RIMBP2: variants seen among roughly 807,000 people sequenced by gnomAD.
RIMBP2 encodes the protein RIMS-binding protein 2.
In RIMBP2, 48 loss-of-function variants were observed where a neutral mutation model predicts 118.6. The observed-to-expected ratio is 0.40, with a 90% CI of 0.32 to 0.51. The LOEUF (loss-of-function observed/expected upper bound fraction) is 0.51. RIMBP2 is among the 20% of genes least tolerant of loss of function. The pLI, the probability that RIMBP2 is intolerant of heterozygous loss-of-function variation, is 0.41. For synonymous variants in RIMBP2, 762 were observed against 742.9 expected (o/e 1.03, Z -0.42); for missense variants, 1,551 against 1,768.3 (o/e 0.88, Z 2.20).
At chr12:130,455,687 A>G (rs1439783754) in intron 7 of RIMBP2, among the ~76,000 whole-genome samples, 1 of 152,214 alleles carries the variant, frequency 6.6e-6, no homozygotes, top group Non-Finnish European at 1.5e-5. Flanking sequence ...ATATTCTGAT[A>G]AGAACTAGGG....
At chr12:130,690,562 C>T (rs1341519269) in intron 1 of RIMBP2, among the ~76,000 whole-genome samples, 1 of 152,218 alleles carries the variant, frequency 6.6e-6, no homozygotes, top group South Asian at 2.1e-4. Context: ...TACTCTGGCC[C>T]ATGCATCCCC....
At chr12:130,563,279 G>A (rs865881856) in intron 2 of RIMBP2, among the ~76,000 whole-genome samples, 1 of 152,120 alleles carries the variant, frequency 6.6e-6, no homozygotes, top group Non-Finnish European at 1.5e-5. Flanking sequence ...GCGTTCTTAC[G>A]CCCTGCCAAG....
At chr12:130,441,408 A>AATCATC (rs1555251157) in intron 11 of RIMBP2, among the ~76,000 whole-genome samples, 1 of 87,134 alleles carries the variant, frequency 1.1e-5, no homozygotes, top group Non-Finnish European at 2.7e-5. Flanking sequence ...CTCAAATAAT[A>AATCATC]ATAATAATAA....
rs1184639831 is a variant in RIMBP2, at chr12:130,670,264, G to A, written c.-351-41808C>T. Among the ~76,000 whole-genome samples the A allele has an allele frequency of 1.3e-5, 2 of 152,106 alleles. No individual in the cohort carries two copies. The highest frequency in any genetic ancestry group is 2.4e-5 in the African/African-American group (1 of 41,432). ...CCCGGCCCCAGGACCTCAGACTTCC[G>A]ATCTCCAGAACTGAAGTTTTAGGAC... On this transcript the variant is annotated intron_variant, in intron 1 of 22. Transcript: ENST00000690449. The surrounding 1 kb of genome is among the most constrained non-coding windows in gnomAD (Gnocchi z 4.9).
Position 130,622,394 on chromosome 12 carries a change from A to G in RIMBP2, c.-217+5928T>C, listed in dbSNP as rs1015532450. Among the ~76,000 whole-genome samples the G allele has an allele frequency of 2.0e-5, 3 of 152,292 alleles. No homozygotes were observed. The highest frequency in any genetic ancestry group is 3.4e-3 in the Middle Eastern group (1 of 292). ...ATATTGAAAAAGGAAACTACATATA[A>G]CACAAAACTGTTGGTTAATTCACTA... On this transcript the variant is annotated intron_variant, in intron 2 of 22. Coordinates refer to ENST00000690449, the MANE Select transcript of RIMBP2 (RefSeq NM_001393629.1). This position sits in a 1 kb window ranked among gnomAD's most constrained non-coding sequence, Gnocchi z 8.5.
At chr12:130,583,057 C>G (rs1264103356) in intron 2 of RIMBP2, among the ~76,000 whole-genome samples, 1 of 152,168 alleles carries the variant, frequency 6.6e-6, no homozygotes, top group African/African-American at 2.4e-5. Context: ...TACAATACAG[C>G]TGGGGGATTA....
intron 2 of RIMBP2, among the ~76,000 whole-genome samples, chr12:130,569,391 T>G (rs1051315222): frequency 3.3e-5 from 5 of 152,220 alleles, no homozygotes; most frequent in Non-Finnish European, 7.3e-5. Context: ...CGCCCAGTTC[T>G]TCTCCAAAAA....
intron 2 of RIMBP2, among the ~76,000 whole-genome samples, chr12:130,565,530 G>A (rs1285653078): frequency 6.6e-6 from 1 of 152,136 alleles, no homozygotes; most frequent in Non-Finnish European, 1.5e-5. Context: ...TCAATTAAGT[G>A]GATACACATG....
chr12:130,538,340 C>CAT (rs5801925), intron 2 of RIMBP2, among the ~76,000 whole-genome samples: 73,598 of 151,742 alleles, frequency 0.49, 18,576 homozygotes, highest in East Asian at 0.63. Flanking sequence ...TGCATTTCCA[C>CAT]AGTCACAATT....
rs563815415 is a variant in RIMBP2, at chr12:130,502,851, A to G, written c.-4+3797T>C. Among the ~76,000 whole-genome samples the G allele has an allele frequency of 3.9e-5, 6 of 152,298 alleles. No individual in the cohort carries two copies. In the South Asian group the frequency reaches 1.2e-3, roughly 32 times the overall value. Reference sequence around the variant, plus strand: ...TCATGCAATAAGCAGCTCATGGCCCAGGGATGCCACGTGTGTCTCACTATA... The same window carrying G: ...TCATGCAATAAGCAGCTCATGGCCCGGGGATGCCACGTGTGTCTCACTATA... On this transcript the variant is annotated intron_variant, in intron 4 of 22. Coordinates refer to ENST00000690449, the MANE Select transcript of RIMBP2 (RefSeq NM_001393629.1).
intron 17 of RIMBP2, among the ~76,000 whole-genome samples, chr12:130,415,686 C>T (rs1401607205): frequency 6.6e-6 from 1 of 150,886 alleles, no homozygotes; most frequent in African/African-American, 2.4e-5. Context: ...GACAAGGCAT[C>T]CATATAGGAA....
chr12:130,492,103 T>C (rs1245695194), intron 4 of RIMBP2, among the ~76,000 whole-genome samples: 1 of 152,158 alleles, frequency 6.6e-6, no homozygotes, highest in African/African-American at 2.4e-5. Flanking sequence ...GAGCTAACGG[T>C]GACACTTTGA....
At chr12:130,461,385 G>A (rs182189409) in intron 6 of RIMBP2, among the ~76,000 whole-genome samples, 1 of 152,322 alleles carries the variant, frequency 6.6e-6, no homozygotes, top group East Asian at 1.9e-4. Context: ...AGGATGGGGT[G>A]GTGAGCAGGG....
At chr12:130,462,383 G>GCAAGCCTGGAGACAGCTGCCC in intron 6 of RIMBP2, among the ~76,000 whole-genome samples, 1 of 152,264 alleles carries the variant, frequency 6.6e-6, no homozygotes, top group East Asian at 1.9e-4. Context: ...CCGCGCTGCC[G>GCAAGCCTGGAGACAGCTGCCC]CAAGCCTGGA....
intron 17 of RIMBP2, among the ~76,000 whole-genome samples, chr12:130,421,424 T>A (rs1290653063): frequency 6.6e-6 from 1 of 152,272 alleles, no homozygotes; most frequent in Non-Finnish European, 1.5e-5. Flanking sequence ...GGAATTTTTT[T>A]CTTATTGTTT....
intron 2 of RIMBP2, among the ~76,000 whole-genome samples, chr12:130,518,565 G>C (rs1231035423): frequency 6.6e-6 from 1 of 152,170 alleles, no homozygotes; most frequent in East Asian, 1.9e-4. Flanking sequence ...CCTCCACCTA[G>C]AGCCAGAGCT....
chr12:130,571,657 C>T (rs1472870372), intron 2 of RIMBP2, among the ~76,000 whole-genome samples: 1 of 152,104 alleles, frequency 6.6e-6, no homozygotes, highest in Non-Finnish European at 1.5e-5. Flanking sequence ...ACAGTAACCT[C>T]TTAATGCTCA....
intron 11 of RIMBP2, among the ~76,000 whole-genome samples, chr12:130,441,423 A>C (rs1011211225): frequency 3.9e-4 from 56 of 142,218 alleles, no homozygotes; most frequent in South Asian, 2.1e-3. Context: ...TAATAATAAT[A>C]ATAATAATAA....
intron 1 of RIMBP2, among the ~76,000 whole-genome samples, chr12:130,638,041 C>G (rs867574201): frequency 1.3e-5 from 2 of 152,058 alleles, no homozygotes; most frequent in Admixed American, 1.3e-4. Context: ...GTGACTTCAC[C>G]AACATCTAGT....
Sources: allele counts gnomAD v4.1 joint callset (sites outside exome capture counted in the v4.1 genomes callset), GRCh38; gene constraint gnomAD v4.1.1; non-coding constraint Gnocchi (gnomAD v3.1); transcripts MANE v1.5; gene names NCBI Gene and HGNC (gene_info 2026-07-23, HGNC 2026-07-21).